Variants in CRYL1 observed in about 807,000 individuals in gnomAD.
The protein encoded by CRYL1 is lambda-crystallin homolog.
In CRYL1, 29 loss-of-function variants were observed where a neutral mutation model predicts 36.6. The ratio of observed to expected loss-of-function variants is 0.79; its 90% CI spans 0.59 to 1.08. The LOEUF (loss-of-function observed/expected upper bound fraction) is 1.08. CRYL1 is among the 50% of genes least tolerant of loss of function. The probability of loss-of-function intolerance (pLI) is 0.00; values close to 1 mark genes in which losing one functional copy is unlikely to be tolerated. For synonymous variants in CRYL1, 152 were observed against 151.5 expected, an observed-to-expected ratio of 1.00 and a Z score of -0.02; for missense variants, 411 against 407.9, an observed-to-expected ratio of 1.01 and a Z score of -0.06.
At chr13:20,523,708 T>C (rs1351022573) in intron 1 of CRYL1, among the ~76,000 whole-genome samples, 1 of 151,956 alleles carries the variant, frequency 6.6e-6, no homozygotes, top group Non-Finnish European at 1.5e-5. Flanking sequence ...GCTGAAGTGC[T>C]GAGGGTGGGG....
chr13:20,443,178 G>A (rs2032382609), intron 3 of CRYL1, among the ~76,000 whole-genome samples: 1 of 151,992 alleles, frequency 6.6e-6, no homozygotes, highest in Admixed American at 6.6e-5. Flanking sequence ...AACTCATTAG[G>A]GCCCTGATGT....
At position 20,425,084 on chromosome 13, in the gene CRYL1, T is replaced by G. The variant is rs1214031801; in HGVS notation, c.633+7018A>C. ...TGCGCTGTGCTATTTTACTCAAGCC[T>G]CAACATTTTCCCCCGGACACATTCC... On this transcript the variant is annotated intron_variant, in intron 5 of 7. Coordinates refer to ENST00000298248, the MANE Select transcript of CRYL1 (RefSeq NM_015974.3). This position sits in a 1 kb window ranked among gnomAD's most constrained non-coding sequence, Gnocchi z 4.4. Among the ~76,000 whole-genome samples, 1 of 152,150 alleles carries G rather than the reference T, an allele frequency of 6.6e-6. No individual in the cohort carries two copies. The highest frequency in any genetic ancestry group is 1.5e-5 in the Non-Finnish European group (1 of 68,022).
intron 2 of CRYL1, among the ~76,000 whole-genome samples, chr13:20,508,995 G>A (rs2033864224): frequency 6.6e-6 from 1 of 150,900 alleles, no homozygotes; most frequent in Admixed American, 6.6e-5. Context: ...GAGGTCAGGA[G>A]TCAGCCTGAC....
chr13:20,453,955 G>C lies in CRYL1; in HGVS notation c.277-14201C>G, dbSNP rs1193210439. Among the ~76,000 whole-genome samples the C allele has an allele frequency of 5.3e-4, 80 of 152,072 alleles. 2 individuals are homozygous for C. Among genetic ancestry groups the C allele is most frequent in the Admixed American group, 5.2e-3 (80 of 15,256 alleles). Reference sequence around the variant, plus strand: ...ACACAAACTGCCAAAACTCACTTAAGAAATAATAGAAAACCTCATTAGTCT... The same window carrying C: ...ACACAAACTGCCAAAACTCACTTAACAAATAATAGAAAACCTCATTAGTCT... On this transcript the variant is annotated intron_variant, in intron 3 of 7. Coordinates refer to ENST00000298248, the MANE Select transcript of CRYL1 (RefSeq NM_015974.3).
chr13:20,514,008 A>G (rs1048209168), intron 1 of CRYL1, among the ~76,000 whole-genome samples: 2 of 152,212 alleles, frequency 1.3e-5, no homozygotes, highest in African/African-American at 2.4e-5. Flanking sequence ...TTGAGCCACA[A>G]AATTAATACA....
chr13:20,492,463 G>A (rs2033530850), intron 2 of CRYL1, among the ~76,000 whole-genome samples: 1 of 152,124 alleles, frequency 6.6e-6, no homozygotes, highest in African/African-American at 2.4e-5. Context: ...GCGTCAGCAG[G>A]GAACGCACTC....
intron 3 of CRYL1, among the ~76,000 whole-genome samples, chr13:20,449,548 G>A (rs7984458): frequency 1.3e-5 from 2 of 151,690 alleles, no homozygotes; most frequent in Non-Finnish European, 2.9e-5. Flanking sequence ...AATCACATTA[G>A]ATGTAAATGA....
chr13:20,522,250 T>A (rs988838377), intron 1 of CRYL1, among the ~76,000 whole-genome samples: 3 of 152,080 alleles, frequency 2.0e-5, no homozygotes, highest in African/African-American at 7.2e-5. Context: ...CTTGGGAGGC[T>A]GAGGCAGGAG....
chr13:20,502,689 G>A (rs2033724452), intron 2 of CRYL1, among the ~76,000 whole-genome samples: 1 of 152,168 alleles, frequency 6.6e-6, no homozygotes, highest in Non-Finnish European at 1.5e-5. Flanking sequence ...CTCCCTCCAG[G>A]CCAGTGGTAA....
intron 5 of CRYL1, chr13:20,430,915 T>C: frequency 2.0e-6 from 2 of 985,426 alleles, no homozygotes; most frequent in Non-Finnish European, 2.4e-6. Context: ...CACTGACTGA[T>C]ATTCAAGAAA....
rs1323120604 is a variant in CRYL1 at position 20,512,516 on chromosome 13, C to CAA, written c.74_75dup (p.Ala26LeufsTer8). The CAA allele has an allele frequency of 1.1e-5, 17 of 1,613,968 alleles. No individual in the cohort carries two copies. Among genetic ancestry groups the CAA allele is most frequent in the Non-Finnish European group, 1.4e-5 (16 of 1,179,964 alleles). On this transcript the variant is annotated frameshift_variant, in exon 2 of 8. Transcript: ENST00000298248. LOFTEE classifies it high-confidence loss of function. ...AGTTTCACCTGGAAGCCTCCACTGGCAAACAGCATGGCCCAGCTTCGCCCA... is the reference window on the plus strand; with the variant it reads ...AGTTTCACCTGGAAGCCTCCACTGGCAAAAACAGCATGGCCCAGCTTCGCCCA...
chr13:20,504,770 A>G (rs529135142), intron 2 of CRYL1, among the ~76,000 whole-genome samples: 73 of 152,256 alleles, frequency 4.8e-4, no homozygotes, highest in Non-Finnish European at 8.4e-4. Context: ...TTATTGTGCC[A>G]CCCTGTTAGA....
chr13:20,490,310 T>C (rs9579875), intron 2 of CRYL1, among the ~76,000 whole-genome samples: 6,421 of 152,236 alleles, frequency 0.042, 459 homozygotes, highest in African/African-American at 0.14. Context: ...GAGAATCGCT[T>C]GAACCCAGGA....
intron 3 of CRYL1, among the ~76,000 whole-genome samples, chr13:20,451,115 C>T (rs1298924254): frequency 6.6e-6 from 1 of 151,650 alleles, no homozygotes; most frequent in Non-Finnish European, 1.5e-5. Flanking sequence ...ATGTAAACGA[C>T]GAGTTAATGG....
Position 20,439,713 on chromosome 13 carries a change from A to C in CRYL1, c.318T>G (p.Phe106Leu), listed in dbSNP as rs200033152. 1.2e-6 allele frequency: 2 copies of C among 1,614,130 alleles called. No individual in the cohort carries two copies. The highest frequency in any genetic ancestry group is 1.7e-6 in the Non-Finnish European group (2 of 1,179,988). The stretch of plus-strand genomic sequence containing the variant: ...CATCAATGATGGAATCTAACTGAGC[A>C]AAAATCTTCTTCTTCAGTTCTAGAT... ...PEDLELKKKIFAQLDSIIDDR... is the reference protein window; with the variant it reads ...PEDLELKKKILAQLDSIIDDR... The change falls in exon 4 of 8, where the codon TTT (phenylalanine) becomes TTG (leucine). Residue 106 changes from phenylalanine (F) to leucine (L), a missense_variant. By Grantham distance (22) the Phe-to-Leu change is conservative. Transcript: ENST00000298248.
rs1295219787 is a variant in CRYL1 at position 20,435,126 on chromosome 13, T to C, written c.439-2830A>G. On this transcript the variant is annotated intron_variant, in intron 4 of 7. Coordinates refer to ENST00000298248, the MANE Select transcript of CRYL1 (RefSeq NM_015974.3). This position sits in a 1 kb window ranked among gnomAD's most constrained non-coding sequence, Gnocchi z 4.0. ...AGTCTTATAAGAGGAGAAAGTTCCA[T>C]GGATTGTTGGTGGTGGTGGCTGCAC... 6.6e-6 allele frequency among the ~76,000 whole-genome samples: 1 copy of C among 152,196 alleles called. No homozygotes were observed. The highest frequency in any genetic ancestry group is 1.5e-5 in the Non-Finnish European group (1 of 68,026).
rs554149624 is a variant in CRYL1, at chr13:20,459,108, T to C, written c.277-19354A>G. 2.0e-3 allele frequency among the ~76,000 whole-genome samples: 303 copies of C among 151,822 alleles called. 2 individuals are homozygous for C. Among genetic ancestry groups the C allele is most frequent in the South Asian group, 0.011 (54 of 4,798 alleles). ...AAAATTAGCTGGGCGTGGTGGCGGG[T>C]GCCTGTAGTCCCGGCTACTCGGGAG... On this transcript the variant is annotated intron_variant, in intron 3 of 7. Transcript: ENST00000298248.
intron 4 of CRYL1, among the ~76,000 whole-genome samples, chr13:20,436,008 G>A (rs1397013304): frequency 6.6e-6 from 1 of 152,236 alleles, no homozygotes; most frequent in East Asian, 1.9e-4. Flanking sequence ...GCAAAGAGAC[G>A]CACAGAGCAC....
At chr13:20,410,863 A>G (rs141215967) in intron 6 of CRYL1, among the ~76,000 whole-genome samples, 17 of 152,342 alleles carry the variant, frequency 1.1e-4, no homozygotes, top group Non-Finnish European at 2.1e-4. Context: ...TACAGCCAGT[A>G]GGCTGGAAAG....
Sources: gnomAD v4.1 joint callset for allele counts (sites outside exome capture counted in the v4.1 genomes callset) on GRCh38, gnomAD v4.1.1 for gene constraint, Gnocchi (gnomAD v3.1) non-coding constraint, MANE v1.5 for transcripts, NCBI Gene and HGNC (gene_info 2026-07-23, HGNC 2026-07-21) for gene names.